The following PMFBP1 variants were observed in gnomAD, a reference collection of about 807,000 sequenced individuals.
The protein encoded by PMFBP1 is polyamine-modulated factor 1-binding protein 1.
Under a neutral mutation model 137.8 loss-of-function variants are expected in PMFBP1, and 131 were observed. That is an observed-to-expected ratio of 0.95 (90% CI 0.82 to 1.10). PMFBP1 has a LOEUF of 1.10. Ranked by LOEUF, PMFBP1 falls within the 50% of genes least tolerant of loss-of-function variation. The probability of loss-of-function intolerance (pLI) is 0.00; values close to 1 mark genes in which losing one functional copy is unlikely to be tolerated. For missense variants in PMFBP1, 1,199 were observed against 1,175.4 expected (o/e 1.02, Z -0.29); for synonymous variants, 490 against 450.4 (o/e 1.09, Z -1.11).
chr16:72,219,468 G>A, the PMFBP1 span, among the ~76,000 whole-genome samples: 10 of 152,248 alleles, frequency 6.6e-5, no homozygotes, highest in African/African-American at 2.4e-4. Flanking sequence ...CTCACTGACT[G>A]AATGTGCATA....
intron 3 of PMFBP1, among the ~76,000 whole-genome samples, chr16:72,162,628 G>T (rs535148003): frequency 6.6e-6 from 1 of 152,214 alleles, no homozygotes; most frequent in Non-Finnish European, 1.5e-5. Context: ...TTGTGGATTT[G>T]TATGCATAGT....
chr16:72,119,652 T>C, intron 20 of PMFBP1, 199 bp downstream of exon 20: 1 of 1,446,182 alleles, frequency 6.9e-7, no homozygotes, highest in East Asian at 2.5e-5. Flanking sequence ...TGGGTATGCT[T>C]CAGATGTTCT....
chr16:72,147,947 G>T (rs2042837947), intron 5 of PMFBP1, among the ~76,000 whole-genome samples: 1 of 152,154 alleles, frequency 6.6e-6, no homozygotes, highest in South Asian at 2.1e-4. Context: ...TTCAACCATT[G>T]TGGAAGACAG....
At chr16:72,223,398 A>C in the PMFBP1 span, among the ~76,000 whole-genome samples, 1 of 152,192 alleles carries the variant, frequency 6.6e-6, no homozygotes, top group African/African-American at 2.4e-5. Context: ...CTGTTGGCTC[A>C]TCCTTAATTG....
chr16:72,157,557 AG>A (rs2043001501), intron 3 of PMFBP1, among the ~76,000 whole-genome samples: 1 of 152,084 alleles, frequency 6.6e-6, no homozygotes, highest in African/African-American at 2.4e-5. Flanking sequence ...AGAGACAGTA[AG>A]GGGGAAAGCT....
intron 3 of PMFBP1, among the ~76,000 whole-genome samples, chr16:72,164,121 C>G (rs945788554): frequency 1.3e-5 from 2 of 152,010 alleles, no homozygotes; most frequent in African/African-American, 4.8e-5. Context: ...CAACTGGGCT[C>G]AGGTCCATGG....
Position 72,140,404 on chromosome 16 carries a change from G to T in PMFBP1, c.807+8C>A. On this transcript the variant is annotated splice_region_variant and intron_variant, in intron 6 of 20. Coordinates refer to ENST00000237353, the MANE Select transcript of PMFBP1 (RefSeq NM_031293.3). Reference sequence around the variant, plus strand: ...TCCCAGAGACATGTTCTAGAAGAAGGCACTTACCAAAGCGTTACTGCAGGC... The same window carrying T: ...TCCCAGAGACATGTTCTAGAAGAAGTCACTTACCAAAGCGTTACTGCAGGC... 8 of 1,608,530 alleles carry T rather than the reference G, an allele frequency of 5.0e-6. No homozygotes were observed. The highest frequency in any genetic ancestry group is 6.8e-6 in the Non-Finnish European group (8 of 1,174,992).
At position 72,125,459 on chromosome 16, in the gene PMFBP1, G is replaced by A. The variant is rs544846268; in HGVS notation, c.2254-54C>T. The A allele has an allele frequency of 3.2e-4, 497 of 1,570,554 alleles. 1 individual carries two copies. Among genetic ancestry groups the A allele is most frequent in the Non-Finnish European group, 4.0e-4 (463 of 1,158,742 alleles). ...GCTGTCAGAGACTTTGACCCTCTCT[G>A]CTGAGTCCTGAATGGAGGAGGGTTC... On this transcript the variant is annotated intron_variant, in intron 15 of 20. Coordinates refer to ENST00000237353, the MANE Select transcript of PMFBP1 (RefSeq NM_031293.3).
the PMFBP1 span, among the ~76,000 whole-genome samples, chr16:72,225,392 G>C: frequency 2.0e-5 from 3 of 152,002 alleles, no homozygotes; most frequent in Non-Finnish European, 4.4e-5. Context: ...AAATAAAGAA[G>C]TCAATAGACC....
rs896642448 is a variant in PMFBP1, at chr16:72,154,131, G to A, written c.414+80C>T. The A allele has an allele frequency of 1.8e-5, 27 of 1,540,900 alleles. No homozygotes were observed. In the Admixed American group the frequency reaches 2.8e-4, roughly 16 times the overall value. ...GTTGCAAAGCTCTCCTAAGTCCAGC[G>A]TCTGCTTTCTAGTGGGCTTGGTCTG... On this transcript the variant is annotated intron_variant, in intron 4 of 20. Transcript: ENST00000237353.
At chr16:72,148,931 G>A (rs1210930688) in intron 5 of PMFBP1, among the ~76,000 whole-genome samples, 1 of 152,184 alleles carries the variant, frequency 6.6e-6, no homozygotes, top group African/African-American at 2.4e-5. Context: ...ATGATGACAT[G>A]GAGGCTTAAA....
At chr16:72,192,387 T>C in the PMFBP1 span, among the ~76,000 whole-genome samples, 2 of 152,326 alleles carry the variant, frequency 1.3e-5, no homozygotes, top group African/African-American at 4.8e-5. Flanking sequence ...TTTAATTTTA[T>C]TAAATCTAGC....
chr16:72,239,335 A>G, the PMFBP1 span, among the ~76,000 whole-genome samples: 1 of 152,080 alleles, frequency 6.6e-6, no homozygotes, highest in Non-Finnish European at 1.5e-5. Context: ...TAACCCTTCC[A>G]TTGTCTGTTG....
intron 6 of PMFBP1, among the ~76,000 whole-genome samples, chr16:72,139,688 G>T (rs113254784): frequency 8.5e-4 from 129 of 152,238 alleles, no homozygotes; most frequent in African/African-American, 2.9e-3. Context: ...GTTCTTCAGG[G>T]GCTGTGATGG....
At chr16:72,197,140 A>G in the PMFBP1 span, among the ~76,000 whole-genome samples, 2 of 152,226 alleles carry the variant, frequency 1.3e-5, no homozygotes, top group Non-Finnish European at 2.9e-5. Context: ...CAGAAGCCAC[A>G]ATGCAAAAGA....
chr16:72,233,169 A>G, the PMFBP1 span, among the ~76,000 whole-genome samples: 2 of 152,118 alleles, frequency 1.3e-5, no homozygotes, highest in South Asian at 4.1e-4. Context: ...GGATAGGTTA[A>G]AAACTCTTCA....
chr16:72,228,401 C>A, the PMFBP1 span, among the ~76,000 whole-genome samples: 1 of 152,176 alleles, frequency 6.6e-6, no homozygotes, highest in African/African-American at 2.4e-5. Flanking sequence ...TCTTAACTCC[C>A]ATCTTCCCAA....
intron 3 of PMFBP1, among the ~76,000 whole-genome samples, chr16:72,156,537 A>G (rs564413638): frequency 3.2e-4 from 48 of 151,440 alleles, no homozygotes; most frequent in Non-Finnish European, 4.6e-4. Context: ...GGAGAATGGC[A>G]TGAACCTGGG....
chr16:72,224,107 T>G, the PMFBP1 span, among the ~76,000 whole-genome samples: 1 of 152,308 alleles, frequency 6.6e-6, no homozygotes, highest in East Asian at 1.9e-4. Context: ...TTCAAAAATT[T>G]GTCCAGGGCT....
Sources: gnomAD v4.1 joint callset for allele counts (sites outside exome capture counted in the v4.1 genomes callset) on GRCh38, gnomAD v4.1.1 for gene constraint, MANE v1.5 for transcripts, NCBI Gene and HGNC (gene_info 2026-07-23, HGNC 2026-07-21) for gene names.